The following MGAT4C variants were observed in gnomAD, a reference collection of about 807,000 sequenced individuals.
MGAT4C encodes MGAT4 family member C.
Under a neutral mutation model 40.1 loss-of-function variants are expected in MGAT4C, and 19 were observed. The observed-to-expected ratio is 0.47, with a 90% CI of 0.33 to 0.70. MGAT4C has a LOEUF of 0.70. Among genes scored for constraint, MGAT4C ranks in the 30% least tolerant of loss-of-function variants. MGAT4C has a pLI of 0.02. For synonymous variants in MGAT4C, 181 were observed against 187.1 expected, an observed-to-expected ratio of 0.97 and a Z score of 0.27; for missense variants, 491 against 563.2, an observed-to-expected ratio of 0.87 and a Z score of 1.30.
intron 1 of MGAT4C, among the ~76,000 whole-genome samples, chr12:86,735,711 T>G (rs1320411275): frequency 3.3e-5 from 5 of 151,968 alleles, no homozygotes; most frequent in Non-Finnish European, 1.5e-5. Flanking sequence ...TACAAAAGAT[T>G]AGATCATATA....
intron 2 of MGAT4C, among the ~76,000 whole-genome samples, chr12:86,699,953 T>G (rs1280569544): frequency 1.3e-5 from 2 of 151,664 alleles, no homozygotes; most frequent in African/African-American, 4.8e-5. Context: ...GAGCACTTGA[T>G]GTAATCGTTA....
chr12:86,622,051 T>C (rs1214101350), intron 2 of MGAT4C, among the ~76,000 whole-genome samples: 2 of 152,142 alleles, frequency 1.3e-5, no homozygotes, highest in Non-Finnish European at 2.9e-5. Context: ...AAGTGTTCTG[T>C]ATGCTTTTAA....
chr12:86,556,239 T>C (rs1268812685), intron 2 of MGAT4C, among the ~76,000 whole-genome samples: 2 of 152,212 alleles, frequency 1.3e-5, no homozygotes, highest in African/African-American at 4.8e-5. Context: ...TGTATAGTAT[T>C]TTTTAATGAA....
chr12:86,015,180 G>C (rs1231091109), intron 2 of MGAT4C, among the ~76,000 whole-genome samples: 1 of 150,882 alleles, frequency 6.6e-6, no homozygotes, highest in Non-Finnish European at 1.5e-5. Context: ...GTAATAGTAA[G>C]AATGGTTACA....
chr12:86,838,824 A>G (rs1284232876), upstream of MGAT4C: 2 of 152,210 alleles, frequency 1.3e-5, no homozygotes, highest in Non-Finnish European at 2.9e-5. Flanking sequence ...TTGGAATGTG[A>G]CAGCTCTCTA....
intron 2 of MGAT4C, among the ~76,000 whole-genome samples, chr12:86,604,733 A>G (rs146388770): frequency 1.5e-3 from 234 of 152,296 alleles, no homozygotes; most frequent in African/African-American, 5.4e-3. Context: ...ACAAATGGAA[A>G]TTTAATGCCT....
At chr12:86,774,233 G>A (rs892911087) in intron 1 of MGAT4C, among the ~76,000 whole-genome samples, 3 of 151,666 alleles carry the variant, frequency 2.0e-5, no homozygotes, top group African/African-American at 7.3e-5. Flanking sequence ...GATTACAGGT[G>A]TGAGCCACCA....
chr12:86,211,347 G>A (rs1378017122), intron 1 of MGAT4C, among the ~76,000 whole-genome samples: 3 of 138,942 alleles, frequency 2.2e-5, no homozygotes, highest in African/African-American at 5.4e-5. Context: ...CGGATCATGA[G>A]GTCAAGAGAT....
At chr12:86,640,922 T>C (rs1159246225) in intron 2 of MGAT4C, among the ~76,000 whole-genome samples, 1 of 151,946 alleles carries the variant, frequency 6.6e-6, no homozygotes, top group African/African-American at 2.4e-5. Flanking sequence ...TTTGAGTGAG[T>C]TTCTTAATCC....
chr12:86,757,018 C>G (rs1335665725), intron 1 of MGAT4C, among the ~76,000 whole-genome samples: 1 of 151,986 alleles, frequency 6.6e-6, no homozygotes, highest in African/African-American at 2.4e-5. Context: ...CTTTAAAATT[C>G]TATATAAATT....
rs541186363 is a variant in MGAT4C at position 86,410,332 on chromosome 12, C to T, written c.-120+24825G>A. ...CCGCATAAGACAGACACTCCCAGAG[C>T]GGCCATTTATAGACCACCCCCTAGG... On this transcript the variant is annotated intron_variant, in intron 3 of 7. Coordinates refer to the MGAT4C transcript ENST00000548651. Among the ~76,000 whole-genome samples, 24 of 152,180 alleles carry T rather than the reference C, an allele frequency of 1.6e-4. No homozygotes were observed. In the East Asian group the frequency reaches 3.3e-3, roughly 21 times the overall value.
At chr12:86,668,111 A>G (rs894458969) in intron 2 of MGAT4C, among the ~76,000 whole-genome samples, 1 of 152,216 alleles carries the variant, frequency 6.6e-6, no homozygotes, top group African/African-American at 2.4e-5. Context: ...TTGTATCATG[A>G]TCCAAGTACT....
intron 1 of MGAT4C, among the ~76,000 whole-genome samples, chr12:86,739,662 ATTAT>A (rs998583398): frequency 6.6e-5 from 10 of 151,032 alleles, no homozygotes; most frequent in Admixed American, 6.6e-5. Flanking sequence ...TAATCTAGAG[ATTAT>A]TTATACTATA....
chr12:86,290,999 C>T (rs1292327123), intron 4 of MGAT4C, among the ~76,000 whole-genome samples: 2 of 152,110 alleles, frequency 1.3e-5, no homozygotes, highest in African/African-American at 4.8e-5. Flanking sequence ...AACCAAGACC[C>T]AGAGAAATTG....
At chr12:86,603,775 T>C (rs1228817126) in intron 2 of MGAT4C, among the ~76,000 whole-genome samples, 2 of 72,174 alleles carry the variant, frequency 2.8e-5, no homozygotes, top group African/African-American at 8.7e-5. Flanking sequence ...TATAATTATA[T>C]ATACTATATA....
At chr12:86,284,916 A>G (rs1277958822) in intron 4 of MGAT4C, among the ~76,000 whole-genome samples, 1 of 152,030 alleles carries the variant, frequency 6.6e-6, no homozygotes, top group Non-Finnish European at 1.5e-5. Flanking sequence ...AGTAATTTTC[A>G]TCCTTATGTA....
intron 1 of MGAT4C, among the ~76,000 whole-genome samples, chr12:86,781,396 CTT>C (rs1047577472): frequency 2.0e-5 from 3 of 151,940 alleles, no homozygotes; most frequent in Admixed American, 6.6e-5. Context: ...ACTCAGCACT[CTT>C]GACTTAGAAC....
chr12:86,465,509 T>C (rs1160068106), intron 2 of MGAT4C, among the ~76,000 whole-genome samples: 1 of 151,972 alleles, frequency 6.6e-6, no homozygotes, highest in Admixed American at 6.6e-5. Flanking sequence ...AAATGTTCAA[T>C]GAAGTCTTAA....
At chr12:86,353,809 C>G (rs1399493207) in intron 3 of MGAT4C, among the ~76,000 whole-genome samples, 2 of 152,158 alleles carry the variant, frequency 1.3e-5, no homozygotes, top group African/African-American at 4.8e-5. Context: ...CTCTCTCTCT[C>G]TCTTTCTCTT....
Sources: gnomAD v4.1 joint callset for allele counts (sites outside exome capture counted in the v4.1 genomes callset) on GRCh38, gnomAD v4.1.1 for gene constraint, MANE v1.5 for transcripts, NCBI Gene and HGNC (gene_info 2026-07-23, HGNC 2026-07-21) for gene names.